CRY2: variants seen among roughly 807,000 people sequenced by gnomAD.
CRY2 encodes cryptochrome-2.
CRY2 carries 31 observed loss-of-function variants against 69.5 expected under a neutral mutation model. That is an observed-to-expected ratio of 0.45 (90% CI 0.34 to 0.60). The LOEUF (loss-of-function observed/expected upper bound fraction) is 0.60. Ranked by LOEUF, CRY2 falls within the 20% of genes least tolerant of loss-of-function variation. The pLI, the probability that CRY2 is intolerant of heterozygous loss-of-function variation, is 0.02. For missense variants in CRY2, 606 were observed against 797.8 expected, an observed-to-expected ratio of 0.76 and a Z score of 2.90; for synonymous variants, 303 against 312.2, an observed-to-expected ratio of 0.97 and a Z score of 0.31.
At chr11:45,869,217 A>G (rs911084824) in intron 6 of CRY2, among the ~76,000 whole-genome samples, 2 of 152,252 alleles carry the variant, frequency 1.3e-5, no homozygotes, top group African/African-American at 2.4e-5. Context: ...GAACATGACC[A>G]GTCTTGGGAA....
At chr11:45,869,415 G>C (rs1406735489) in intron 6 of CRY2, 91 bp from the exon 7 acceptor site, 22 of 1,369,366 alleles carry the variant, frequency 1.6e-5, no homozygotes, top group Non-Finnish European at 2.0e-5. Context: ...GGTCTTTGGA[G>C]GGCCCAGATT....
At chr11:45,847,389 A>G, upstream of CRY2, 1 of 1,598,236 alleles carries the variant, frequency 6.3e-7, no homozygotes, top group Non-Finnish European at 8.5e-7. Context: ...GGCGGGGACT[A>G]AGGGTGGAGT....
At chr11:45,856,748 A>G (rs2086242534) in intron 2 of CRY2, among the ~76,000 whole-genome samples, 1 of 150,130 alleles carries the variant, frequency 6.7e-6, no homozygotes, top group East Asian at 2.0e-4. Flanking sequence ...GTGAGCCGAG[A>G]TTGTGCCACT....
intron 1 of CRY2, among the ~76,000 whole-genome samples, chr11:45,855,494 T>C (rs1395299070): frequency 2.0e-5 from 3 of 152,196 alleles, no homozygotes; most frequent in Non-Finnish European, 4.4e-5. Flanking sequence ...GGCTCCCACG[T>C]GAGTCTCACA....
Position 45,858,497 on chromosome 11 carries a change from C to T in CRY2, c.325-234C>T, listed in dbSNP as rs979488575. 9.9e-6 allele frequency: 5 copies of T among 503,596 alleles called. No homozygotes were observed. The Admixed American group carries it at 1.5e-4, about 15-fold the overall frequency. The allele number at this position is 503,596 out of a possible 1,614,324, so 31.2% of individuals were successfully genotyped here. A position where few individuals can be genotyped will look rare whatever the true frequency, so the allele number is the denominator to read the frequency against. ...CAAGTGCACAAGGCTGCCTACCTCT[C>T]TCCCAACTCCACTGTTGCTGTGCTG... On this transcript the variant is annotated intron_variant, in intron 2 of 11. Coordinates refer to ENST00000616080, the MANE Select transcript of CRY2 (RefSeq NM_021117.5).
At chr11:45,847,376 G>A, upstream of CRY2, 1 of 1,599,646 alleles carries the variant, frequency 6.3e-7, no homozygotes, top group Non-Finnish European at 8.5e-7. Flanking sequence ...CTGGGGCCCT[G>A]TGGGCGGGGA....
chr11:45,862,047 T>C lies in CRY2; in HGVS notation c.653-13T>C. On this transcript the variant is annotated splice_polypyrimidine_tract_variant and intron_variant, in intron 4 of 11. Transcript: ENST00000616080. ...GTCAAACCTCCTGTCTTGTGACCTT[T>C]CCTTCTCTTCAGGGTTCCCCACTGA... 6.2e-7 allele frequency: 1 copy of C among 1,611,514 alleles called. No homozygotes were observed.
At chr11:45,873,832 T>C (rs1319611719) in intron 11 of CRY2, among the ~76,000 whole-genome samples, 1 of 152,116 alleles carries the variant, frequency 6.6e-6, no homozygotes, top group Non-Finnish European at 1.5e-5. Flanking sequence ...AAGTTTGCGC[T>C]AGGGGGCCTG....
At chr11:45,862,211 G>A in intron 5 of CRY2, 63 bp downstream of exon 5, 1 of 1,491,518 alleles carries the variant, frequency 6.7e-7, no homozygotes, top group Middle Eastern at 1.7e-4. Context: ...GGAGATACAG[G>A]TCATGTCCAT....
At position 45,847,703 on chromosome 11, in the gene CRY2, G is replaced by A. The variant is rs1392899435; in HGVS notation, c.213G>A (p.Trp71Ter). 1 of 1,562,470 alleles carries A rather than the reference G, an allele frequency of 6.4e-7. No individual in the cohort carries two copies. The highest frequency in any genetic ancestry group is 8.7e-7 in the Non-Finnish European group (1 of 1,153,356). The change falls in exon 1 of 12, where the codon TGG (tryptophan) becomes TGA (stop). Residue 71 changes from tryptophan (W) to a stop codon, truncating the protein, a stop_gained and splice_region_variant. Transcript: ENST00000616080. LOFTEE classifies it high-confidence loss of function. ...CCTCCTCAGTCGGGATCAACCGATG[G>A]AGGTGAGGGGACCCGGGGCTGGGTG... is the stretch of plus-strand genomic sequence containing the variant. Reference protein sequence around the residue: ...AASSSVGINRWRFLLQSLEDL... With the variant: ...AASSSVGINR
intron 11 of CRY2, among the ~76,000 whole-genome samples, chr11:45,873,598 G>A (rs962293090): frequency 1.3e-5 from 2 of 152,242 alleles, no homozygotes; most frequent in Non-Finnish European, 2.9e-5. Flanking sequence ...TGCTCAGTAA[G>A]CTAATGGTGT....
chr11:45,850,269 A>C (rs190161689), intron 1 of CRY2, among the ~76,000 whole-genome samples: 282 of 152,102 alleles, frequency 1.9e-3, no homozygotes, highest in African/African-American at 6.4e-3. Context: ...CAACCTCCCG[A>C]AGTGCTGTGA....
chr11:45,859,385 A>AC (rs2086268713), intron 3 of CRY2, among the ~76,000 whole-genome samples: 2 of 151,646 alleles, frequency 1.3e-5, no homozygotes, highest in Admixed American at 1.3e-4. Context: ...ACATAGTGAG[A>AC]CCCCCGTCTC....
At chr11:45,848,999 A>G (rs972543440) in intron 1 of CRY2, among the ~76,000 whole-genome samples, 3 of 152,098 alleles carry the variant, frequency 2.0e-5, no homozygotes, top group African/African-American at 7.2e-5. Context: ...TCATCAAATG[A>G]CCATCCCTAG....
At chr11:45,875,526 A>G (rs11038699) in intron 11 of CRY2, among the ~76,000 whole-genome samples, 35,921 of 152,074 alleles carry the variant, frequency 0.24, 4,622 homozygotes, top group Non-Finnish European at 0.29. Flanking sequence ...GCAGAGGTAA[A>G]TGCCCGTCTC....
chr11:45,865,810 G>A (rs1461181854), intron 5 of CRY2, among the ~76,000 whole-genome samples: 1 of 152,240 alleles, frequency 6.6e-6, no homozygotes, highest in African/African-American at 2.4e-5. Flanking sequence ...AAGCTTTCAT[G>A]AAGATTTGGG....
At chr11:45,868,797 C>T in intron 6 of CRY2, among the ~76,000 whole-genome samples, 1 of 151,802 alleles carries the variant, frequency 6.6e-6, no homozygotes, top group East Asian at 1.9e-4. Context: ...CCACACCTGG[C>T]TAATTTTTTG....
intron 5 of CRY2, among the ~76,000 whole-genome samples, chr11:45,867,116 G>A (rs1013369491): frequency 2.0e-5 from 3 of 152,154 alleles, no homozygotes; most frequent in African/African-American, 4.8e-5. Context: ...TTGGTCCCCA[G>A]GAATGGATTG....
chr11:45,868,049 T>C (rs533604458), intron 6 of CRY2: 2 of 348,036 alleles, frequency 5.7e-6, no homozygotes, highest in East Asian at 9.6e-5. Flanking sequence ...CTCTGGCAGC[T>C]GGTGGACAGG....
Sources: allele counts gnomAD v4.1 joint callset (sites outside exome capture counted in the v4.1 genomes callset), GRCh38; gene constraint gnomAD v4.1.1; transcripts MANE v1.5; gene names NCBI Gene and HGNC (gene_info 2026-07-23, HGNC 2026-07-21).